CHCHD3: variants seen among roughly 807,000 people sequenced by gnomAD.
The protein encoded by CHCHD3 is MICOS complex subunit MIC19.
A neutral mutation model predicts 38.2 loss-of-function variants in CHCHD3; 20 were observed. The ratio of observed to expected loss-of-function variants is 0.52; its 90% CI spans 0.37 to 0.76. The LOEUF is 0.76. CHCHD3 is among the 30% of genes least tolerant of loss of function. The pLI is 0.00. For synonymous variants in CHCHD3, 82 were observed against 100.0 expected (o/e 0.82, Z 1.07); for missense variants, 245 against 279.2 (o/e 0.88, Z 0.87).
At chr7:132,972,096 A>C (rs1364965408) in intron 4 of CHCHD3, among the ~76,000 whole-genome samples, 2 of 152,228 alleles carry the variant, frequency 1.3e-5, no homozygotes, top group Non-Finnish European at 2.9e-5. Context: ...GGGAGAAAGA[A>C]CTTTATACCT....
intron 1 of CHCHD3, among the ~76,000 whole-genome samples, chr7:133,080,865 T>C (rs1291746451): frequency 6.6e-6 from 1 of 152,138 alleles, no homozygotes; most frequent in African/African-American, 2.4e-5. Context: ...AAAAATAATT[T>C]ACAAATGTAA....
chr7:132,890,981 C>T (rs187748531), intron 4 of CHCHD3, among the ~76,000 whole-genome samples: 48 of 152,154 alleles, frequency 3.2e-4, no homozygotes, highest in African/African-American at 5.8e-4. Context: ...GCAATATATA[C>T]GAACCTAAGA....
chr7:132,956,293 G>A lies in CHCHD3; in HGVS notation c.369+18876C>T, dbSNP rs561100175. ...GTACACCAATTCCTCTTACTGAAAC[G>A]TAAGCTCTATTAAGGCAAAGATTTT... On this transcript the variant is annotated intron_variant, in intron 4 of 7. Coordinates refer to ENST00000262570, the MANE Select transcript of CHCHD3 (RefSeq NM_017812.4). Among the ~76,000 whole-genome samples, 19 of 152,282 alleles carry A rather than the reference G, an allele frequency of 1.2e-4. No individual in the cohort carries two copies. The East Asian group carries it at 2.9e-3, about 23-fold the overall frequency.
At chr7:132,962,515 A>G (rs1397065300) in intron 4 of CHCHD3, among the ~76,000 whole-genome samples, 2 of 152,242 alleles carry the variant, frequency 1.3e-5, no homozygotes, top group Non-Finnish European at 2.9e-5. Flanking sequence ...AGGGACAGAG[A>G]GAAGGCTATT....
chr7:132,916,066 T>A (rs1370241178), intron 4 of CHCHD3, among the ~76,000 whole-genome samples: 2 of 151,944 alleles, frequency 1.3e-5, no homozygotes, highest in South Asian at 2.1e-4. Context: ...CCACTGAAGG[T>A]AGATTTCCAA....
intron 7 of CHCHD3, 139 bp from the exon 8 acceptor site, chr7:132,785,799 T>C: frequency 2.3e-6 from 2 of 867,632 alleles, no homozygotes; most frequent in South Asian, 3.1e-5. Context: ...ATGCTTCCTG[T>C]TCTCAAAATA....
chr7:133,048,264 C>T (rs903492372), intron 2 of CHCHD3, among the ~76,000 whole-genome samples: 6 of 152,144 alleles, frequency 3.9e-5, no homozygotes, highest in Admixed American at 3.9e-4. Flanking sequence ...TCTGCTAGTA[C>T]TCTGACACTG....
intron 2 of CHCHD3, among the ~76,000 whole-genome samples, chr7:133,049,857 C>T (rs536055496): frequency 1.3e-5 from 2 of 152,314 alleles, no homozygotes; most frequent in African/African-American, 4.8e-5. Flanking sequence ...CCACTGTGAA[C>T]CTCTGAACAA....
At chr7:132,977,804 G>A (rs79679910) in intron 3 of CHCHD3, among the ~76,000 whole-genome samples, 2,850 of 151,812 alleles carry the variant, frequency 0.019, 103 homozygotes, top group African/African-American at 0.065. Flanking sequence ...GTTTACTTAT[G>A]TATGGCTTAG....
At chr7:132,904,925 G>A (rs1054629539) in intron 4 of CHCHD3, among the ~76,000 whole-genome samples, 1 of 152,150 alleles carries the variant, frequency 6.6e-6, no homozygotes, top group African/African-American at 2.4e-5. Flanking sequence ...GAAAGGACGA[G>A]TTCATGTCCT....
chr7:132,839,280 A>G (rs1450750157), intron 5 of CHCHD3, among the ~76,000 whole-genome samples: 3 of 152,208 alleles, frequency 2.0e-5, no homozygotes, highest in Non-Finnish European at 4.4e-5. Flanking sequence ...ATAACTAATC[A>G]GTAGGAACAA....
intron 4 of CHCHD3, among the ~76,000 whole-genome samples, chr7:132,949,880 C>T (rs7796514): frequency 0.2 from 31,121 of 151,968 alleles, 3,503 homozygotes; most frequent in South Asian, 0.27. Flanking sequence ...AATGGCTAGT[C>T]TAGACACAAA....
intron 6 of CHCHD3, among the ~76,000 whole-genome samples, chr7:132,828,819 A>T (rs1807570940): frequency 6.6e-6 from 1 of 152,198 alleles, no homozygotes; most frequent in African/African-American, 2.4e-5. Context: ...CTATGGCTGA[A>T]CCTATATAAT....
chr7:132,882,860 A>T (rs1297592242), intron 5 of CHCHD3, among the ~76,000 whole-genome samples: 1 of 152,104 alleles, frequency 6.6e-6, no homozygotes, highest in Admixed American at 6.6e-5. Flanking sequence ...ACTAACTCTG[A>T]TATGGTTTGG....
intron 4 of CHCHD3, among the ~76,000 whole-genome samples, chr7:132,901,021 A>G (rs372985763): frequency 1.3e-5 from 2 of 152,212 alleles, no homozygotes; most frequent in African/African-American, 4.8e-5. Context: ...AGAAAAAAAG[A>G]AAAATAGAAT....
chr7:132,789,792 T>C (rs1806413905), intron 7 of CHCHD3, among the ~76,000 whole-genome samples: 1 of 151,950 alleles, frequency 6.6e-6, no homozygotes, highest in Middle Eastern at 3.4e-3. Context: ...ACTTCAGGCC[T>C]CATAAAGCTG....
intron 3 of CHCHD3, among the ~76,000 whole-genome samples, chr7:133,016,229 A>G (rs1374327494): frequency 2.0e-5 from 3 of 152,220 alleles, no homozygotes; most frequent in Non-Finnish European, 4.4e-5. Context: ...GGTGTTATAT[A>G]GTTGAAATGA....
At chr7:132,951,281 C>G (rs916527121) in intron 4 of CHCHD3, among the ~76,000 whole-genome samples, 2 of 152,122 alleles carry the variant, frequency 1.3e-5, no homozygotes, top group African/African-American at 2.4e-5. Context: ...CAAAAGAAAT[C>G]CTATTTCCTA....
At chr7:132,990,955 C>CACAT (rs1483579484) in intron 3 of CHCHD3, among the ~76,000 whole-genome samples, 1 of 145,522 alleles carries the variant, frequency 6.9e-6, no homozygotes, top group Non-Finnish European at 1.5e-5. Context: ...CACACATACA[C>CACAT]ACACACACAC....
Sources: allele counts gnomAD v4.1 joint callset (sites outside exome capture counted in the v4.1 genomes callset), GRCh38; gene constraint gnomAD v4.1.1; transcripts MANE v1.5; gene names NCBI Gene and HGNC (gene_info 2026-07-23, HGNC 2026-07-21).